The following TXNDC17 variants were observed in gnomAD, a reference collection of about 807,000 sequenced individuals.
TXNDC17 encodes thioredoxin domain-containing protein 17.
In TXNDC17, 12 loss-of-function variants were observed where a neutral mutation model predicts 16.3. The ratio of observed to expected loss-of-function variants is 0.74; its 90% CI spans 0.47 to 1.19. TXNDC17 has a LOEUF of 1.19. Ranked by LOEUF, TXNDC17 falls within the 50% of genes most tolerant of loss-of-function variation. The pLI is 0.00. For synonymous variants in TXNDC17, 62 were observed against 55.0 expected (o/e 1.13, Z -0.56); for missense variants, 158 against 149.7 (o/e 1.06, Z -0.29).
intron 1 of TXNDC17, 128 bp downstream of exon 1, chr17:6,641,355 C>T (rs373091881): frequency 8.9e-6 from 12 of 1,354,114 alleles, no homozygotes; most frequent in South Asian, 1.4e-5. Flanking sequence ...TGAGCTGTCC[C>T]CAAGTCTCCT....
Position 6,644,462 on chromosome 17 carries a change from G to A in TXNDC17, c.*1443G>A. On this transcript the variant is annotated 3_prime_UTR_variant, in exon 4 of 4. Transcript: ENST00000250101. ...GTATTAAGTGCCTCGTTTGTATCCA[G>A]TTTTTCATTTTCCCGATGTGTTATT... 1 of 1,588,784 alleles carries A rather than the reference G, an allele frequency of 6.3e-7. No homozygotes were observed. The highest frequency in any genetic ancestry group is 8.6e-7 in the Non-Finnish European group (1 of 1,168,954).
In TXNDC17 at chr17:6,644,421, A is replaced by T. The variant is rs1972739374; in HGVS notation, c.*1402A>T. 3 of 1,506,442 alleles carry T rather than the reference A, an allele frequency of 2.0e-6. No individual in the cohort carries two copies. 93.3% of individuals were successfully genotyped at this position (1,506,442 alleles called of 1,614,324 possible). ...TTTTTTGTCTTCACTGTACAAAAGA[A>T]ATACATTATATACATGTATTAAGTG... is the stretch of plus-strand genomic sequence containing the variant. On this transcript the variant is annotated 3_prime_UTR_variant, in exon 4 of 4. Coordinates refer to ENST00000250101, the MANE Select transcript of TXNDC17 (RefSeq NM_032731.4).
Position 6,642,259 on chromosome 17 carries a change from C to G in TXNDC17, c.238C>G (p.Pro80Ala), listed in dbSNP as rs368381490. 5.5e-5 allele frequency: 89 copies of G among 1,609,558 alleles called. No homozygotes were observed. Among genetic ancestry groups the G allele is most frequent in the Non-Finnish European group, 7.1e-5 (84 of 1,177,748 alleles). ...QVGEKPYWKD[P>A]NNDFRKNLKV... Reference sequence around the variant, plus strand: ...TTTCTTTTCGAATAGTTGGAAAGATCCAAATAATGACTTCAGAAAAAACTT... The same window carrying G: ...TTTCTTTTCGAATAGTTGGAAAGATGCAAATAATGACTTCAGAAAAAACTT... The change falls in exon 3 of 4, where the codon CCA (proline) becomes GCA (alanine). Residue 80 changes from proline to alanine, a missense_variant. Transcript: ENST00000250101.
At position 6,643,232 on chromosome 17, in the gene TXNDC17, T is replaced by C; in HGVS notation, c.*213T>C. 1 of 474,746 alleles carries C rather than the reference T, an allele frequency of 2.1e-6. No homozygotes were observed. The highest frequency in any genetic ancestry group is 3.7e-6 in the Non-Finnish European group (1 of 267,486). 29.4% of individuals were successfully genotyped at this position (474,746 alleles called of 1,614,324 possible). A position where few individuals can be genotyped will look rare whatever the true frequency, so the allele number is the denominator to read the frequency against. ...ATAAAGAAGTCTTCAGAAATAGCAG[T>C]AAAGGCTCAAAGGAACGTATTCTTG... On this transcript the variant is annotated 3_prime_UTR_variant, in exon 4 of 4. Coordinates refer to ENST00000250101, the MANE Select transcript of TXNDC17 (RefSeq NM_032731.4).
intron 3 of TXNDC17, 25 bp downstream of exon 3, chr17:6,642,349 C>T: frequency 6.8e-7 from 1 of 1,469,774 alleles, no homozygotes; most frequent in South Asian, 1.2e-5. Flanking sequence ...ATATGCTGGG[C>T]CTGTAATTCA....
rs967445438 is a variant in TXNDC17 at position 6,643,549 on chromosome 17, T to C, written c.*530T>C. On this transcript the variant is annotated 3_prime_UTR_variant, in exon 4 of 4. Transcript: ENST00000250101. ...TTGCAGCTGTCTCAATGTGCTTTAC[T>C]TGGGATGAGGCAGGTGGCGGAGAGC... 2.6e-5 allele frequency: 4 copies of C among 152,912 alleles called. No homozygotes were observed. The highest frequency in any genetic ancestry group is 9.6e-5 in the African/African-American group (4 of 41,472). 9.5% of individuals were successfully genotyped at this position (152,912 alleles called of 1,614,324 possible).
chr17:6,642,064 T>C (rs1972687891), intron 2 of TXNDC17, 185 bp from the exon 3 acceptor site: 1 of 658,338 alleles, frequency 1.5e-6, no homozygotes. Flanking sequence ...TACTTTTATA[T>C]CTTAGTCACA....
rs759803725 is a variant in TXNDC17 at position 6,641,107 on chromosome 17, G to C, written c.25G>C (p.Val9Leu). ...AATGGCCCGCTATGAGGAGGTGAGC[G>C]TGTCCGGCTTCGAGGAGTTCCACCG... MARYEEVSVSGFEEFHRAV... is the reference protein window; with the variant it reads MARYEEVSLSGFEEFHRAV... Residue 9 changes from valine (V) to leucine (L), a missense_variant, in exon 1 of 4, where the codon GTG (valine) becomes CTG (leucine). Physicochemically the swap from Val to Leu is conservative, Grantham distance 32. Transcript: ENST00000250101. 2 of 1,613,572 alleles carry C rather than the reference G, an allele frequency of 1.2e-6. No homozygotes were observed. The highest frequency in any genetic ancestry group is 2.2e-5 in the South Asian group (2 of 91,076).
intron 3 of TXNDC17, 193 bp from the exon 4 acceptor site, chr17:6,642,758 G>A (rs1173932962): frequency 1.2e-5 from 7 of 574,806 alleles, no homozygotes; most frequent in African/African-American, 1.9e-5. Context: ...TAAGTCTCTT[G>A]AGCCAAGTAT....
chr17:6,644,436 TGTATTAA>T lies in TXNDC17; in HGVS notation c.*1420_*1426del. 1 of 1,552,788 alleles carries T rather than the reference TGTATTAA, an allele frequency of 6.4e-7. No homozygotes were observed. The highest frequency in any genetic ancestry group is 1.4e-5 in the African/African-American group (1 of 72,832). ...GTACAAAAGAAATACATTATATACA[TGTATTAA>T]GTGCCTCGTTTGTATCCAGTTTTTC... On this transcript the variant is annotated 3_prime_UTR_variant, in exon 4 of 4. Coordinates refer to ENST00000250101, the MANE Select transcript of TXNDC17 (RefSeq NM_032731.4).
chr17:6,641,822 G>A lies in TXNDC17; in HGVS notation c.215G>A (p.Gly72Glu), dbSNP rs1972678755. The change falls in exon 2 of 4, where the codon GGA becomes GAA. Residue 72 changes from glycine to glutamate, a missense_variant. Transcript: ENST00000250101. ...TGTGTGTTCATCTACTGCCAAGTAG[G>A]AGAAAAGCCTTAGTAAGTGGCAATG... ...EGCVFIYCQV[G>E]EKPYWKDPNN... 2.5e-6 allele frequency: 4 copies of A among 1,614,092 alleles called. No individual in the cohort carries two copies. The highest frequency in any genetic ancestry group is 2.2e-5 in the East Asian group (1 of 44,888).
At position 6,643,844 on chromosome 17, in the gene TXNDC17, G is replaced by C. The variant is rs1597631150; in HGVS notation, c.*825G>C. On this transcript the variant is annotated 3_prime_UTR_variant, in exon 4 of 4. Transcript: ENST00000250101. Reference sequence around the variant, plus strand: ...TGAGGCTCCTCATGTTTGTTCTAAAGTCAAGAGTCCAGTTAGTAACTAACC... The same window carrying C: ...TGAGGCTCCTCATGTTTGTTCTAAACTCAAGAGTCCAGTTAGTAACTAACC... 1.4e-5 allele frequency: 5 copies of C among 347,208 alleles called. No individual in the cohort carries two copies. The East Asian group carries it at 2.1e-4, about 15-fold the overall frequency. The allele number at this position is 347,208 out of a possible 1,614,324, so 21.5% of individuals were successfully genotyped here. A position where few individuals can be genotyped will look rare whatever the true frequency, so the allele number is the denominator to read the frequency against.
chr17:6,642,352 G>C, intron 3 of TXNDC17, 28 bp downstream of exon 3: 1 of 1,428,146 alleles, frequency 7.0e-7, no homozygotes, highest in South Asian at 1.2e-5. Flanking sequence ...TGCTGGGCCT[G>C]TAATTCACTG....
chr17:6,642,440 A>G (rs1211553139), intron 3 of TXNDC17, 116 bp downstream of exon 3: 2 of 730,648 alleles, frequency 2.7e-6, no homozygotes, highest in Non-Finnish European at 4.5e-6. Flanking sequence ...TGTTGTTCAG[A>G]GTGCTGCTGA....
At position 6,644,370 on chromosome 17, in the gene TXNDC17, A is replaced by C. The variant is rs1972738211; in HGVS notation, c.*1351A>C. 9.5e-6 allele frequency: 13 copies of C among 1,368,548 alleles called. No homozygotes were observed. Among genetic ancestry groups the C allele is most frequent in the Non-Finnish European group, 1.3e-5 (13 of 1,027,570 alleles). 84.8% of individuals were successfully genotyped at this position (1,368,548 alleles called of 1,614,324 possible). ...TAAAGGTTCTAGGGGCTACCATAAT[A>C]AAGGTAGATAGGAAGAGTTTTCATT... On this transcript the variant is annotated 3_prime_UTR_variant, in exon 4 of 4. Transcript: ENST00000250101.
chr17:6,643,601 C>G lies in TXNDC17; in HGVS notation c.*582C>G, dbSNP rs2240276. 0.71 allele frequency: 109,218 copies of G among 152,764 alleles called. 40,335 individuals carry two copies. The highest frequency in any genetic ancestry group is 0.92 in the African/African-American group (38,324 of 41,564). 9.5% of individuals were successfully genotyped at this position (152,764 alleles called of 1,614,324 possible). A position where few individuals can be genotyped will look rare whatever the true frequency, so the allele number is the denominator to read the frequency against. Reference sequence around the variant, plus strand: ...GCCGGAAAGACTCTATAACCCAGTTCTGGGAAGAACTCCAAGCTGGGAGTC... The same window carrying G: ...GCCGGAAAGACTCTATAACCCAGTTGTGGGAAGAACTCCAAGCTGGGAGTC... On this transcript the variant is annotated 3_prime_UTR_variant, in exon 4 of 4. Coordinates refer to ENST00000250101, the MANE Select transcript of TXNDC17 (RefSeq NM_032731.4).
chr17:6,641,425 T>G, intron 1 of TXNDC17, 198 bp downstream of exon 1: 1 of 765,426 alleles, frequency 1.3e-6, no homozygotes, highest in South Asian at 1.9e-5. Context: ...CTTACCCGGA[T>G]GATCTTGGAA....
At position 6,643,225 on chromosome 17, in the gene TXNDC17, A is replaced by G; in HGVS notation, c.*206A>G. On this transcript the variant is annotated 3_prime_UTR_variant, in exon 4 of 4. Coordinates refer to ENST00000250101, the MANE Select transcript of TXNDC17 (RefSeq NM_032731.4). The stretch of plus-strand genomic sequence containing the variant: ...TTAAGATATAAAGAAGTCTTCAGAA[A>G]TAGCAGTAAAGGCTCAAAGGAACGT... 2 of 491,088 alleles carry G rather than the reference A, an allele frequency of 4.1e-6. No homozygotes were observed. Among genetic ancestry groups the G allele is most frequent in the Non-Finnish European group, 7.2e-6 (2 of 277,332 alleles). 30.4% of individuals were successfully genotyped at this position (491,088 alleles called of 1,614,324 possible).
At position 6,642,978 on chromosome 17, in the gene TXNDC17, C is replaced by T. The variant is rs1972714941; in HGVS notation, c.331C>T (p.Leu111Phe). Residue 111 changes from leucine to phenylalanine, a missense_variant, in exon 4 of 4, where the codon CTT (leucine) becomes TTT (phenylalanine). By Grantham distance (22) the Leu-to-Phe change is conservative. Transcript: ENST00000250101. ...TCAAAAACTGGTAGAATCTGAGTGT[C>T]TTCAGGCCAACCTGGTGGAAATGTT... is the stretch of plus-strand genomic sequence containing the variant. Reference protein sequence around the residue: ...TPQKLVESECLQANLVEMLFS... With the variant: ...TPQKLVESECFQANLVEMLFS... The T allele has an allele frequency of 2.5e-6, 4 of 1,613,810 alleles. No homozygotes were observed. The highest frequency in any genetic ancestry group is 3.4e-6 in the Non-Finnish European group (4 of 1,179,966).
Sources: gnomAD v4.1 joint callset for allele counts on GRCh38, gnomAD v4.1.1 for gene constraint, MANE v1.5 for transcripts, NCBI Gene and HGNC (gene_info 2026-07-23, HGNC 2026-07-21) for gene names.